Variants in BICC1 observed in about 807,000 individuals in gnomAD.
The protein encoded by BICC1 is protein bicaudal C homolog 1.
In BICC1, 43 loss-of-function variants were observed where a neutral mutation model predicts 111.0. That is an observed-to-expected ratio of 0.39 (90% CI 0.30 to 0.50). The LOEUF is 0.50. BICC1 is among the 20% of genes least tolerant of loss of function. The probability of loss-of-function intolerance (pLI) is 0.88; values close to 1 mark genes in which losing one functional copy is unlikely to be tolerated. For synonymous variants in BICC1, 467 were observed against 434.4 expected (o/e 1.07, Z -0.93); for missense variants, 1,091 against 1,203.2 (o/e 0.91, Z 1.38).
chr10:58,593,625 C>T (rs1844708926), intron 1 of BICC1, among the ~76,000 whole-genome samples: 1 of 152,096 alleles, frequency 6.6e-6, no homozygotes, highest in South Asian at 2.1e-4. Flanking sequence ...CTCCAGAAAA[C>T]TCCAGCAGAC....
At chr10:58,803,025 A>G in intron 14 of BICC1, 52 bp from the exon 15 acceptor site, 1 of 1,447,526 alleles carries the variant, frequency 6.9e-7, no homozygotes, top group South Asian at 1.6e-5. Context: ...GGAAACATTC[A>G]GTACATTTGT....
At chr10:58,780,185 A>C (rs1188092507) in intron 3 of BICC1, among the ~76,000 whole-genome samples, 1 of 152,228 alleles carries the variant, frequency 6.6e-6, no homozygotes, top group Non-Finnish European at 1.5e-5. Context: ...AGGGGAAAGT[A>C]AATTCTGTCC....
Position 58,513,128 on chromosome 10 carries a change from G to C in BICC1, c.-16G>C. 7.0e-7 allele frequency: 1 copy of C among 1,438,754 alleles called. No homozygotes were observed. Among genetic ancestry groups the C allele is most frequent in the Non-Finnish European group, 9.1e-7 (1 of 1,099,410 alleles). The allele number at this position is 1,438,754 out of a possible 1,614,324, so 89.1% of individuals were successfully genotyped here. On this transcript the variant is annotated 5_prime_UTR_variant, in exon 1 of 21. Coordinates refer to ENST00000373886, the MANE Select transcript of BICC1 (RefSeq NM_001080512.3). ...AGCGGCGGCGGCAGCGGGAGCCCGA[G>C]CGCTGCGCGCCCACCATGGCCGCCC...
chr10:58,746,917 A>AAG (rs1841850846), intron 3 of BICC1, among the ~76,000 whole-genome samples: 1 of 152,176 alleles, frequency 6.6e-6, no homozygotes, highest in Non-Finnish European at 1.5e-5. Context: ...AATAGCCATG[A>AAG]TTCTGGCAAC....
chr10:58,728,125 A>T (rs12264706), intron 3 of BICC1, among the ~76,000 whole-genome samples: 1 of 152,194 alleles, frequency 6.6e-6, no homozygotes, highest in African/African-American at 2.4e-5. Context: ...ACGAAAGTCA[A>T]CAATGAAGTT....
intron 1 of BICC1, among the ~76,000 whole-genome samples, chr10:58,619,289 C>G (rs957710085): frequency 1.3e-5 from 2 of 151,902 alleles, no homozygotes; most frequent in Admixed American, 6.6e-5. Flanking sequence ...CTCAGATTGC[C>G]CTTGGAATTT....
chr10:58,635,087 T>C (rs554600073), intron 2 of BICC1, among the ~76,000 whole-genome samples: 1 of 152,284 alleles, frequency 6.6e-6, no homozygotes, highest in South Asian at 2.1e-4. Flanking sequence ...TGTATATGTA[T>C]TTTGTGTATG....
chr10:58,696,905 T>C (rs982207989), intron 2 of BICC1, among the ~76,000 whole-genome samples: 1 of 152,340 alleles, frequency 6.6e-6, no homozygotes, highest in Non-Finnish European at 1.5e-5. Flanking sequence ...CTGGCTGGAA[T>C]TCACTCTAGG....
chr10:58,632,316 A>G (rs969116712), intron 2 of BICC1, among the ~76,000 whole-genome samples: 12 of 152,188 alleles, frequency 7.9e-5, no homozygotes, highest in African/African-American at 2.9e-4. Context: ...CAGAGCTGCT[A>G]AGGACGCCAT....
chr10:58,542,064 T>G (rs1447720160), intron 1 of BICC1, among the ~76,000 whole-genome samples: 1 of 150,268 alleles, frequency 6.7e-6, no homozygotes, highest in Non-Finnish European at 1.5e-5. Flanking sequence ...GGTGGGAGAA[T>G]TGCTTGAGTC....
At chr10:58,540,448 C>T (rs1438740299) in intron 1 of BICC1, among the ~76,000 whole-genome samples, 2 of 151,810 alleles carry the variant, frequency 1.3e-5, no homozygotes, top group Admixed American at 1.3e-4. Flanking sequence ...ACAACTGATG[C>T]CACAGAAATG....
At chr10:58,719,003 C>G (rs951544519) in intron 3 of BICC1, among the ~76,000 whole-genome samples, 2 of 152,030 alleles carry the variant, frequency 1.3e-5, no homozygotes, top group African/African-American at 4.8e-5. Context: ...CCATTATATT[C>G]AAGGGAAGGA....
intron 20 of BICC1, among the ~76,000 whole-genome samples, chr10:58,825,975 C>G (rs1438407135): frequency 6.6e-6 from 1 of 151,258 alleles, no homozygotes; most frequent in East Asian, 1.9e-4. Context: ...GTGAATCCAG[C>G]ATAACAACTA....
At chr10:58,642,875 T>C (rs1055839839) in intron 2 of BICC1, among the ~76,000 whole-genome samples, 5 of 152,042 alleles carry the variant, frequency 3.3e-5, no homozygotes, top group African/African-American at 1.2e-4. Flanking sequence ...CGGCTAATTT[T>C]TTTTACTATT....
At chr10:58,523,242 C>G (rs947134023) in intron 1 of BICC1, among the ~76,000 whole-genome samples, 1 of 151,788 alleles carries the variant, frequency 6.6e-6, no homozygotes, top group Admixed American at 6.6e-5. Context: ...CCTGGCAGAG[C>G]ACAACAAAAA....
intron 9 of BICC1, among the ~76,000 whole-genome samples, chr10:58,795,927 G>C (rs1427508694): frequency 6.6e-6 from 1 of 152,128 alleles, no homozygotes; most frequent in Non-Finnish European, 1.5e-5. Context: ...CAAGGGGGAA[G>C]CTTTAGTGTA....
At chr10:58,813,382 A>G (rs974679362) in intron 17 of BICC1, among the ~76,000 whole-genome samples, 4 of 152,042 alleles carry the variant, frequency 2.6e-5, no homozygotes, top group African/African-American at 9.7e-5. Flanking sequence ...TCCCCTTCCA[A>G]CCTCAGGCTC....
chr10:58,566,314 GTA>G (rs747058944), intron 1 of BICC1, among the ~76,000 whole-genome samples: 2 of 151,562 alleles, frequency 1.3e-5, no homozygotes, highest in South Asian at 2.1e-4. Flanking sequence ...CACATGGTGT[GTA>G]TATATATATT....
chr10:58,550,487 T>C (rs556753673), intron 1 of BICC1, among the ~76,000 whole-genome samples: 2 of 152,326 alleles, frequency 1.3e-5, no homozygotes, highest in South Asian at 2.1e-4. Flanking sequence ...TTTTTTGTAT[T>C]GTATCTAAAA....
Sources: allele counts gnomAD v4.1 joint callset (sites outside exome capture counted in the v4.1 genomes callset), GRCh38; gene constraint gnomAD v4.1.1; transcripts MANE v1.5; gene names NCBI Gene and HGNC (gene_info 2026-07-23, HGNC 2026-07-21).